INVS: variants seen among roughly 807,000 people sequenced by gnomAD.
The protein encoded by INVS is inversin, also known as inversion of embryo turning homolog.
In INVS, 86 loss-of-function variants were observed where a neutral mutation model predicts 108.8. The observed-to-expected ratio is 0.79, with a 90% CI of 0.66 to 0.95. The LOEUF (loss-of-function observed/expected upper bound fraction) is 0.95. Among genes scored for constraint, INVS ranks in the 40% least tolerant of loss-of-function variants. The pLI is 0.00. For missense variants in INVS, 1,169 were observed against 1,297.4 expected (o/e 0.90, Z 1.52); for synonymous variants, 455 against 473.5 (o/e 0.96, Z 0.51).
chr9:100,240,263 A>G, intron 6 of INVS, 23 bp downstream of exon 6: 1 of 1,585,774 alleles, frequency 6.3e-7, no homozygotes, highest in Non-Finnish European at 8.7e-7. Context: ...AAGGATCAAC[A>G]GTAAAAGGAA....
At chr9:100,222,819 C>CT (rs201620953) in intron 3 of INVS, among the ~76,000 whole-genome samples, 373 of 137,396 alleles carry the variant, frequency 2.7e-3, no homozygotes, top group African/African-American at 7.1e-3. Context: ...CCTGGGCAAA[C>CT]TTTTTTTTTT....
intron 12 of INVS, among the ~76,000 whole-genome samples, chr9:100,280,497 GA>G (rs529897865): frequency 1.9e-4 from 28 of 147,200 alleles, no homozygotes; most frequent in African/African-American, 4.0e-4. Context: ...TAGTAGGTAG[GA>G]AAAAAAAAAG....
At chr9:100,146,906 C>G (rs1018962649) in intron 3 of INVS, among the ~76,000 whole-genome samples, 6 of 152,110 alleles carry the variant, frequency 3.9e-5, no homozygotes, top group African/African-American at 1.4e-4. Flanking sequence ...TGTACATATA[C>G]TTGTTTGAGT....
At chr9:100,234,011 T>TG (rs1831599605) in intron 5 of INVS, among the ~76,000 whole-genome samples, 1 of 152,190 alleles carries the variant, frequency 6.6e-6, no homozygotes, top group South Asian at 2.1e-4. Flanking sequence ...GGACTTTTAT[T>TG]GGTTGGTAGG....
chr9:100,224,249 C>A (rs569345165), intron 3 of INVS, among the ~76,000 whole-genome samples: 4 of 152,272 alleles, frequency 2.6e-5, no homozygotes, highest in Admixed American at 1.3e-4. Flanking sequence ...GATAGTCCCT[C>A]ATAGGAGAAC....
intron 10 of INVS, among the ~76,000 whole-genome samples, chr9:100,259,261 C>G (rs535828281): frequency 1.7e-4 from 26 of 152,290 alleles, no homozygotes; most frequent in Non-Finnish European, 3.2e-4. Flanking sequence ...TCTGCTAAAA[C>G]CATTGGAAAA....
At chr9:100,268,003 A>C (rs2118644404) in intron 11 of INVS, among the ~76,000 whole-genome samples, 1 of 152,288 alleles carries the variant, frequency 6.6e-6, no homozygotes, top group Middle Eastern at 3.4e-3. Flanking sequence ...AAACACATAG[A>C]GATGAAGATG....
chr9:100,132,595 A>G (rs932708266), intron 3 of INVS, among the ~76,000 whole-genome samples: 1 of 152,188 alleles, frequency 6.6e-6, no homozygotes, highest in African/African-American at 2.4e-5. Flanking sequence ...GTCACACTAC[A>G]ATGTAGGTGC....
intron 16 of INVS, 148 bp from the exon 17 acceptor site, chr9:100,300,419 AT>A: frequency 4.5e-6 from 3 of 662,752 alleles, no homozygotes; most frequent in Non-Finnish European, 8.2e-6. Flanking sequence ...TAAAGCTATT[AT>A]ATTAAGTCAT....
chr9:100,199,613 C>T (rs1021900292), intron 3 of INVS, among the ~76,000 whole-genome samples: 1 of 152,150 alleles, frequency 6.6e-6, no homozygotes, highest in Non-Finnish European at 1.5e-5. Context: ...TACTATGCCT[C>T]AGAAAACTTA....
intron 12 of INVS, among the ~76,000 whole-genome samples, chr9:100,282,042 A>G (rs1166947386): frequency 1.3e-5 from 2 of 152,182 alleles, no homozygotes; most frequent in Non-Finnish European, 2.9e-5. Flanking sequence ...CAACCCAGAC[A>G]GCCACCCACA....
At chr9:100,150,223 C>T (rs1227430692) in intron 3 of INVS, among the ~76,000 whole-genome samples, 1 of 152,174 alleles carries the variant, frequency 6.6e-6, no homozygotes, top group African/African-American at 2.4e-5. Context: ...TTAAAATCTA[C>T]ATGGCTGTGG....
At chr9:100,239,160 A>G (rs764321280) in intron 5 of INVS, among the ~76,000 whole-genome samples, 1 of 152,246 alleles carries the variant, frequency 6.6e-6, no homozygotes, top group Non-Finnish European at 1.5e-5. Context: ...AATCTCACAC[A>G]TGTGCTACAA....
intron 3 of INVS, among the ~76,000 whole-genome samples, chr9:100,203,405 A>G (rs1379364494): frequency 6.6e-6 from 1 of 151,556 alleles, no homozygotes; most frequent in African/African-American, 2.4e-5. Context: ...CAGGCTAGGT[A>G]TTTAACAGCT....
intron 1 of INVS, among the ~76,000 whole-genome samples, chr9:100,103,187 T>A (rs187530838): frequency 1.3e-5 from 2 of 152,180 alleles, no homozygotes; most frequent in Admixed American, 1.3e-4. Flanking sequence ...TGAGTCAGGG[T>A]CTCAACCTGT....
chr9:100,142,720 T>G (rs1300786587), intron 3 of INVS, among the ~76,000 whole-genome samples: 2 of 152,118 alleles, frequency 1.3e-5, no homozygotes, highest in African/African-American at 4.8e-5. Flanking sequence ...AGAGAGTCAG[T>G]TGAGCATACT....
intron 5 of INVS, among the ~76,000 whole-genome samples, chr9:100,232,122 TTTCATATGTTTTTTGGCCACATAAATGTC>T (rs1189821229): frequency 2.0e-5 from 3 of 152,228 alleles, no homozygotes; most frequent in African/African-American, 7.2e-5. Flanking sequence ...ATGAGCTTTT[TTTCATATGTTTTTTGGCCACATAAATGTC>T]TTCTTTTGAG....
intron 3 of INVS, among the ~76,000 whole-genome samples, chr9:100,201,634 A>G (rs749257681): frequency 3.3e-5 from 5 of 152,220 alleles, no homozygotes; most frequent in Non-Finnish European, 5.9e-5. Flanking sequence ...ATAAATTTCC[A>G]CAAAAGGTTT....
rs1448844896 is a variant in INVS at position 100,292,991 on chromosome 9, C to A, written c.2734C>A (p.Leu912Met). 6.2e-7 allele frequency: 1 copy of A among 1,613,780 alleles called. No individual in the cohort carries two copies. Among genetic ancestry groups the A allele is most frequent in the East Asian group, 2.2e-5 (1 of 44,876 alleles). ...IIQRERRRKE[L>M]FRKKNKAAAV... is the part of the protein sequence containing the mutation. ...TCAGAGAGAACGAAGGAGGAAGGAG[C>A]TGTTTCGCAAAAAGAACAAGGCAGC... Residue 912 changes from leucine (L) to methionine (M), a missense_variant, in exon 14 of 17, where the codon CTG becomes ATG. Transcript: ENST00000262457.
Sources: allele counts gnomAD v4.1 joint callset (sites outside exome capture counted in the v4.1 genomes callset), GRCh38; gene constraint gnomAD v4.1.1; transcripts MANE v1.5; gene names NCBI Gene and HGNC (gene_info 2026-07-23, HGNC 2026-07-21).